PIGN: variants seen among roughly 807,000 people sequenced by gnomAD.
The protein encoded by PIGN is GPI ethanolamine phosphate transferase 1.
A neutral mutation model predicts 125.4 loss-of-function variants in PIGN; 117 were observed. The observed-to-expected ratio is 0.93, with a 90% CI of 0.80 to 1.09. The LOEUF (loss-of-function observed/expected upper bound fraction) is 1.09, where lower values mean the gene tolerates loss of function less well. Ranked by LOEUF, PIGN falls within the 50% of genes least tolerant of loss-of-function variation. PIGN has a pLI of 0.00. For synonymous variants in PIGN, 392 were observed against 377.8 expected (o/e 1.04, Z -0.44); for missense variants, 1,075 against 1,094.9 (o/e 0.98, Z 0.26).
intron 30 of PIGN, among the ~76,000 whole-genome samples, chr18:62,061,352 G>A (rs1386943468): frequency 6.6e-6 from 1 of 151,506 alleles, no homozygotes; most frequent in African/African-American, 2.4e-5. Flanking sequence ...TACATTCACG[G>A]GGCAGTCAGC....
intron 16 of PIGN, 74 bp downstream of exon 16, chr18:62,113,060 A>G (rs1422731814): frequency 1.3e-5 from 15 of 1,143,700 alleles, no homozygotes; most frequent in Admixed American, 6.7e-5. Context: ...TGCACATCCT[A>G]TAAACTCATT....
intron 30 of PIGN, among the ~76,000 whole-genome samples, chr18:62,047,537 T>C (rs971505957): frequency 1.3e-5 from 2 of 152,122 alleles, no homozygotes; most frequent in African/African-American, 4.8e-5. Flanking sequence ...TTCCCAGTCA[T>C]GAAGGCAGTA....
At chr18:62,090,314 C>T (rs547293257) in intron 24 of PIGN, among the ~76,000 whole-genome samples, 162 bp downstream of exon 24, 2 of 152,190 alleles carry the variant, frequency 1.3e-5, no homozygotes, top group South Asian at 4.1e-4. Flanking sequence ...AAAAATCTTC[C>T]TTATCTATTA....
chr18:62,141,270 T>C (rs1036888274), intron 11 of PIGN, among the ~76,000 whole-genome samples: 8 of 152,204 alleles, frequency 5.3e-5, no homozygotes, highest in African/African-American at 1.2e-4. Context: ...AAAAAATAAA[T>C]GCAAGTTTTT....
chr18:62,073,735 C>T (rs1327583242), intron 29 of PIGN, among the ~76,000 whole-genome samples: 1 of 152,130 alleles, frequency 6.6e-6, no homozygotes, highest in Non-Finnish European at 1.5e-5. Context: ...TGGGAAGCTA[C>T]CCTTATTAGT....
intron 1 of PIGN, among the ~76,000 whole-genome samples, chr18:62,183,756 T>C (rs956065367): frequency 1.3e-5 from 2 of 151,934 alleles, no homozygotes; most frequent in African/African-American, 2.4e-5. Flanking sequence ...ATTTCAAGGG[T>C]AAATGCAATA....
chr18:62,088,975 C>A, intron 24 of PIGN, 133 bp from the exon 25 acceptor site: 1 of 586,890 alleles, frequency 1.7e-6, no homozygotes, highest in South Asian at 2.1e-5. Context: ...AAACAATAAA[C>A]AATAAACAAT....
rs1404563292 is a variant in PIGN, at chr18:62,161,428, A to T, written c.-32-43T>A. The T allele has an allele frequency of 2.5e-5, 20 of 804,614 alleles. No homozygotes were observed. The Admixed American group carries it at 4.7e-4, about 19-fold the overall frequency. 49.8% of individuals were successfully genotyped at this position (804,614 alleles called of 1,614,324 possible). On this transcript the variant is annotated intron_variant, in intron 3 of 30. Coordinates refer to ENST00000640252, the MANE Select transcript of PIGN (RefSeq NM_176787.5). ...ATTAAATTGGGGTAAATCTTAATGC[A>T]TTCATATGTATTTTCACATATTTTG... is the stretch of plus-strand genomic sequence containing the variant.
chr18:62,117,820 C>T (rs997371339), intron 14 of PIGN, among the ~76,000 whole-genome samples: 3 of 151,942 alleles, frequency 2.0e-5, no homozygotes, highest in East Asian at 1.9e-4. Context: ...ATGTAAAATT[C>T]GTCTTTCTGT....
intron 15 of PIGN, among the ~76,000 whole-genome samples, chr18:62,113,966 C>T (rs2034984731): frequency 6.6e-6 from 1 of 152,102 alleles, no homozygotes. Flanking sequence ...AAGTGGCAAA[C>T]ATATAGTATT....
chr18:62,070,576 G>C (rs1201041969), intron 30 of PIGN: 1 of 396,982 alleles, frequency 2.5e-6, no homozygotes, highest in Admixed American at 4.4e-5. Flanking sequence ...TACAATTCCT[G>C]GCAACACAAA....
chr18:62,125,046 CAATTTGT>C (rs2035454965), intron 14 of PIGN, among the ~76,000 whole-genome samples: 1 of 145,358 alleles, frequency 6.9e-6, no homozygotes, highest in Non-Finnish European at 1.5e-5. Flanking sequence ...TATAAATATA[CAATTTGT>C]ACATACATGT....
chr18:62,023,118 G>A (rs1310095168), intron 23 of PIGN, among the ~76,000 whole-genome samples: 3 of 151,922 alleles, frequency 2.0e-5, no homozygotes, highest in Non-Finnish European at 4.4e-5. Flanking sequence ...TGGAACCTAC[G>A]GATATGAAGG....
At chr18:62,182,825 G>A (rs965158092) in intron 1 of PIGN, among the ~76,000 whole-genome samples, 2 of 152,120 alleles carry the variant, frequency 1.3e-5, no homozygotes, top group Non-Finnish European at 2.9e-5. Flanking sequence ...TATGCTAAGT[G>A]AAATAAGCCA....
chr18:62,107,301 T>C (rs550992342), intron 17 of PIGN, among the ~76,000 whole-genome samples: 3 of 152,272 alleles, frequency 2.0e-5, no homozygotes, highest in Admixed American at 6.5e-5. Flanking sequence ...CTGAATTAAT[T>C]TGAAAACGAT....
chr18:62,186,613 C>A (rs1466208187), intron 1 of PIGN, among the ~76,000 whole-genome samples: 1 of 152,182 alleles, frequency 6.6e-6, no homozygotes, highest in Non-Finnish European at 1.5e-5. Context: ...GCTGAGAAGT[C>A]GTGCTGTCGC....
intron 28 of PIGN, among the ~76,000 whole-genome samples, chr18:62,077,537 ATTAAG>A (rs750616611): frequency 3.3e-5 from 5 of 152,208 alleles, no homozygotes; most frequent in Non-Finnish European, 7.3e-5. Context: ...GACACATCTG[ATTAAG>A]TTATTTATTG....
intron 30 of PIGN, among the ~76,000 whole-genome samples, chr18:62,062,433 T>C (rs1027700499): frequency 3.3e-5 from 5 of 152,162 alleles, no homozygotes; most frequent in Non-Finnish European, 5.9e-5. Flanking sequence ...GGGGGTTAGA[T>C]CCCCAATGAT....
At chr18:62,022,068 C>T (rs114989368) in intron 23 of PIGN, among the ~76,000 whole-genome samples, 10 of 152,132 alleles carry the variant, frequency 6.6e-5, no homozygotes, top group African/African-American at 1.7e-4. Flanking sequence ...CACAACATAG[C>T]AGTTCACGTC....
Sources: gnomAD v4.1 joint callset for allele counts (sites outside exome capture counted in the v4.1 genomes callset) on GRCh38, gnomAD v4.1.1 for gene constraint, MANE v1.5 for transcripts, NCBI Gene and HGNC (gene_info 2026-07-23, HGNC 2026-07-21) for gene names.